The following CDKAL1 variants were observed in gnomAD, a reference collection of about 807,000 sequenced individuals.
The protein encoded by CDKAL1 is threonylcarbamoyladenosine tRNA methylthiotransferase.
Under a neutral mutation model 68.2 loss-of-function variants are expected in CDKAL1, and 32 were observed. The ratio of observed to expected loss-of-function variants is 0.47; its 90% CI spans 0.35 to 0.63. CDKAL1 has a LOEUF of 0.63. Among genes scored for constraint, CDKAL1 ranks in the 30% least tolerant of loss-of-function variants. CDKAL1 has a pLI of 0.00. For missense variants in CDKAL1, 606 were observed against 696.7 expected (o/e 0.87, Z 1.47); for synonymous variants, 234 against 244.3 (o/e 0.96, Z 0.39).
At chr6:21,100,006 T>G (rs2150982093) in intron 12 of CDKAL1, among the ~76,000 whole-genome samples, 1 of 152,332 alleles carries the variant, frequency 6.6e-6, no homozygotes, top group South Asian at 2.1e-4. Context: ...AACCTACATT[T>G]TATCACACAT....
At chr6:21,214,764 T>C (rs1779281801) in intron 15 of CDKAL1, among the ~76,000 whole-genome samples, 1 of 152,178 alleles carries the variant, frequency 6.6e-6, no homozygotes, top group Non-Finnish European at 1.5e-5. Flanking sequence ...TGCCTCTAGT[T>C]ACCAAAATTG....
intron 8 of CDKAL1, among the ~76,000 whole-genome samples, chr6:20,822,966 A>T: frequency 6.6e-6 from 1 of 152,180 alleles, no homozygotes; most frequent in Non-Finnish European, 1.5e-5. Context: ...TCTTGGATAA[A>T]TTAAATACAA....
Position 20,816,801 on chromosome 6 carries a change from T to C in CDKAL1, c.639-29274T>C, listed in dbSNP as rs181780990. Among the ~76,000 whole-genome samples the C allele has an allele frequency of 7.4e-4, 113 of 152,280 alleles. 2 individuals carry two copies. The highest frequency in any genetic ancestry group is 5.8e-3 in the Admixed American group (89 of 15,280). The stretch of plus-strand genomic sequence containing the variant: ...ATATAAGCTAGAACATATCTGGTCA[T>C]TTTTCTCATTTGTTGAACAAATGTT... On this transcript the variant is annotated intron_variant, in intron 8 of 15. Transcript: ENST00000274695.
chr6:20,914,072 G>A (rs142445960), intron 9 of CDKAL1, among the ~76,000 whole-genome samples: 1,593 of 152,100 alleles, frequency 0.01, 28 homozygotes, highest in African/African-American at 0.036. Flanking sequence ...GGCAGATCAC[G>A]AGGCCAGGAG....
chr6:20,734,793 C>T (rs998318572), intron 5 of CDKAL1, among the ~76,000 whole-genome samples: 1 of 152,030 alleles, frequency 6.6e-6, no homozygotes, highest in Admixed American at 6.5e-5. Flanking sequence ...CAAACGCCTT[C>T]CTGGGCTCAA....
chr6:20,620,290 T>C (rs1325843887), intron 4 of CDKAL1, among the ~76,000 whole-genome samples: 1 of 152,184 alleles, frequency 6.6e-6, no homozygotes, highest in Admixed American at 6.6e-5. Context: ...GACTTTCTAT[T>C]TTTATAAATT....
At chr6:20,559,833 A>G (rs1764199035) in intron 4 of CDKAL1, among the ~76,000 whole-genome samples, 1 of 152,216 alleles carries the variant, frequency 6.6e-6, no homozygotes, top group Admixed American at 6.5e-5. Context: ...AATAATTCAC[A>G]TCAGGCTTAG....
At chr6:21,198,180 A>G in intron 14 of CDKAL1, 76 bp downstream of exon 14, 1 of 956,940 alleles carries the variant, frequency 1.0e-6, no homozygotes, top group Non-Finnish European at 1.6e-6. Context: ...AAGGGCATTT[A>G]AAGGGGAGAG....
rs534765690 is a variant in CDKAL1, at chr6:21,066,019, AT to A, written c.1236+795del. On this transcript the variant is annotated intron_variant, in intron 12 of 15. Coordinates refer to ENST00000274695, the MANE Select transcript of CDKAL1 (RefSeq NM_017774.3). ...CGCAATTACTTTTGCACTAACCTAA[AT>A]TTTAAAAAATTATGCCCTGTCATTA... 2.8e-4 allele frequency among the ~76,000 whole-genome samples: 42 copies of A among 151,992 alleles called. No individual in the cohort carries two copies. In the South Asian group the frequency reaches 5.0e-3, roughly 18 times the overall value.
At chr6:20,877,820 G>A (rs940288883) in intron 9 of CDKAL1, among the ~76,000 whole-genome samples, 4 of 152,120 alleles carry the variant, frequency 2.6e-5, no homozygotes, top group African/African-American at 9.7e-5. Context: ...AGTTGGCTTT[G>A]TATGGTTATA....
intron 9 of CDKAL1, among the ~76,000 whole-genome samples, chr6:20,882,728 T>C (rs768278932): frequency 1.3e-5 from 2 of 152,228 alleles, no homozygotes; most frequent in Non-Finnish European, 2.9e-5. Context: ...GGGGCAATTA[T>C]GAATAAAGCC....
chr6:21,020,894 T>C (rs931045068), intron 11 of CDKAL1, among the ~76,000 whole-genome samples: 2 of 151,840 alleles, frequency 1.3e-5, no homozygotes, highest in East Asian at 1.9e-4. Flanking sequence ...TACAGATGTG[T>C]GTGTGTGTGC....
intron 9 of CDKAL1, among the ~76,000 whole-genome samples, chr6:20,935,085 G>C (rs1461683474): frequency 6.6e-6 from 1 of 151,834 alleles, no homozygotes. Flanking sequence ...TAGTAGAGAC[G>C]GGGTTACACC....
chr6:20,942,943 G>A (rs1410871117), intron 9 of CDKAL1, among the ~76,000 whole-genome samples: 1 of 105,778 alleles, frequency 9.5e-6, no homozygotes, highest in East Asian at 3.3e-4. Flanking sequence ...GACAGAGCAA[G>A]ATTCTGTCTC....
intron 9 of CDKAL1, among the ~76,000 whole-genome samples, chr6:20,932,266 G>T (rs1763496282): frequency 6.6e-6 from 1 of 152,008 alleles, no homozygotes; most frequent in African/African-American, 2.4e-5. Context: ...TATATAAGTT[G>T]TTGTTGTGTT....
intron 11 of CDKAL1, among the ~76,000 whole-genome samples, chr6:21,028,880 C>G (rs781027818): frequency 2.6e-5 from 4 of 152,102 alleles, no homozygotes; most frequent in Non-Finnish European, 2.9e-5. Flanking sequence ...AATCATATTC[C>G]CTTCTCCAAG....
intron 9 of CDKAL1, among the ~76,000 whole-genome samples, chr6:20,906,494 C>G (rs1240911746): frequency 6.6e-6 from 1 of 151,910 alleles, no homozygotes; most frequent in Non-Finnish European, 1.5e-5. Flanking sequence ...CCCAATAAAC[C>G]CATTGTAAGT....
chr6:21,107,684 G>C (rs991604165), intron 12 of CDKAL1, among the ~76,000 whole-genome samples: 1 of 151,944 alleles, frequency 6.6e-6, no homozygotes, highest in African/African-American at 2.4e-5. Flanking sequence ...TACCTGCCTC[G>C]GCCTCCCAAA....
intron 5 of CDKAL1, among the ~76,000 whole-genome samples, chr6:20,737,061 A>G (rs1773229292): frequency 2.0e-5 from 3 of 152,242 alleles, no homozygotes; most frequent in East Asian, 1.9e-4. Flanking sequence ...CATTCTCCCA[A>G]TTACAGAAAT....
Sources: gnomAD v4.1 joint callset for allele counts (sites outside exome capture counted in the v4.1 genomes callset) on GRCh38, gnomAD v4.1.1 for gene constraint, MANE v1.5 for transcripts, NCBI Gene and HGNC (gene_info 2026-07-23, HGNC 2026-07-21) for gene names.